Variants in NLN observed in about 807,000 individuals in gnomAD.
The protein encoded by NLN is neurolysin, also known as neurolysin, mitochondrial.
Under a neutral mutation model 79.9 loss-of-function variants are expected in NLN, and 64 were observed. The ratio of observed to expected loss-of-function variants is 0.80; its 90% CI spans 0.65 to 0.99. The LOEUF is 0.99. Ranked by LOEUF, NLN falls within the 50% of genes least tolerant of loss-of-function variation. NLN has a pLI of 0.00. For missense variants in NLN, 835 were observed against 858.7 expected (o/e 0.97, Z 0.34); for synonymous variants, 267 against 296.6 (o/e 0.90, Z 1.02).
At chr5:65,774,510 A>AC (rs1481629195) in intron 3 of NLN, among the ~76,000 whole-genome samples, 1 of 152,114 alleles carries the variant, frequency 6.6e-6, no homozygotes, top group East Asian at 1.9e-4. Flanking sequence ...GTAAGAGAAT[A>AC]TTACTATGAT....
intron 9 of NLN, chr5:65,808,998 A>G (rs927394505): frequency 1.3e-5 from 2 of 152,456 alleles, no homozygotes; most frequent in African/African-American, 4.8e-5. Context: ...TTAAGACCTA[A>G]GTAGTTAAGA....
chr5:65,761,229 A>T (rs972152093), intron 2 of NLN, among the ~76,000 whole-genome samples: 20 of 152,092 alleles, frequency 1.3e-4, no homozygotes, highest in African/African-American at 4.8e-4. Flanking sequence ...TGCTTATATA[A>T]GTTTATGAGC....
chr5:65,775,869 T>C (rs1759669033), intron 3 of NLN, among the ~76,000 whole-genome samples: 1 of 152,192 alleles, frequency 6.6e-6, no homozygotes, highest in Non-Finnish European at 1.5e-5. Context: ...GAGGTTGCTG[T>C]AGAAAAAGGA....
At chr5:65,821,698 G>A (rs906242657) in intron 12 of NLN, among the ~76,000 whole-genome samples, 2 of 152,176 alleles carry the variant, frequency 1.3e-5, no homozygotes, top group South Asian at 4.1e-4. Context: ...AGTCCAGACT[G>A]TGAAGTTACA....
At chr5:65,821,931 C>G (rs1347799404) in intron 12 of NLN, among the ~76,000 whole-genome samples, 1 of 152,172 alleles carries the variant, frequency 6.6e-6, no homozygotes, top group Non-Finnish European at 1.5e-5. Context: ...AATTCTCTAG[C>G]TCTTCTTGTA....
At chr5:65,780,087 A>G (rs1579944726) in intron 4 of NLN, 92 bp from the exon 5 acceptor site, 2 of 641,114 alleles carry the variant, frequency 3.1e-6, no homozygotes, top group East Asian at 6.2e-5. Context: ...TAGCCTCCCA[A>G]ATTGCTGGGA....
intron 9 of NLN, among the ~76,000 whole-genome samples, chr5:65,807,013 C>T (rs1760426770): frequency 6.6e-6 from 1 of 151,954 alleles, no homozygotes; most frequent in Admixed American, 6.6e-5. Context: ...CCCATCTCTA[C>T]TAAAAATACA....
intron 1 of NLN, among the ~76,000 whole-genome samples, chr5:65,735,343 T>C (rs1758707828): frequency 6.6e-6 from 1 of 152,222 alleles, no homozygotes; most frequent in Non-Finnish European, 1.5e-5. Flanking sequence ...TAAATACTTA[T>C]TGAACACCTA....
chr5:65,745,467 C>T (rs1348655018), intron 1 of NLN, among the ~76,000 whole-genome samples: 1 of 152,084 alleles, frequency 6.6e-6, no homozygotes, highest in Non-Finnish European at 1.5e-5. Flanking sequence ...GGTTTGAATC[C>T]CAGCTGCACA....
intron 1 of NLN, among the ~76,000 whole-genome samples, chr5:65,753,995 C>T (rs1759160494): frequency 6.6e-6 from 1 of 152,118 alleles, no homozygotes; most frequent in African/African-American, 2.4e-5. Flanking sequence ...TATGTGAGAC[C>T]CTCTACTCAT....
chr5:65,759,598 C>G (rs554044680), intron 2 of NLN, among the ~76,000 whole-genome samples: 23 of 152,172 alleles, frequency 1.5e-4, no homozygotes, highest in African/African-American at 5.5e-4. Flanking sequence ...AGGCCAGTAG[C>G]CTAGAGGCCC....
chr5:65,759,942 A>G (rs1759305374), intron 2 of NLN, among the ~76,000 whole-genome samples: 1 of 152,182 alleles, frequency 6.6e-6, no homozygotes, highest in South Asian at 2.1e-4. Context: ...AGGAGTGAAG[A>G]TTCCCTTTGG....
intron 1 of NLN, among the ~76,000 whole-genome samples, chr5:65,738,205 A>C (rs1758774263): frequency 6.6e-6 from 1 of 152,124 alleles, no homozygotes; most frequent in Non-Finnish European, 1.5e-5. Context: ...AAATAATTAG[A>C]ATACAAGGCA....
intron 3 of NLN, among the ~76,000 whole-genome samples, chr5:65,767,249 C>T (rs1457085839): frequency 1.3e-5 from 2 of 152,178 alleles, no homozygotes; most frequent in African/African-American, 4.8e-5. Flanking sequence ...CCTGGATATC[C>T]AGGCATTTCC....
At chr5:65,736,275 T>C (rs1038884790) in intron 1 of NLN, among the ~76,000 whole-genome samples, 2 of 152,248 alleles carry the variant, frequency 1.3e-5, no homozygotes, top group Non-Finnish European at 2.9e-5. Flanking sequence ...TCATTTTTAC[T>C]GTTGTAAGAT....
intron 12 of NLN, chr5:65,818,651 G>C (rs1232691586): frequency 1.3e-5 from 2 of 152,150 alleles, no homozygotes; most frequent in East Asian, 3.8e-4. Flanking sequence ...AGAAAACAAA[G>C]GGTGTGCTCT....
chr5:65,792,695 T>A (rs1430574361), intron 9 of NLN, 40 bp downstream of exon 9: 1 of 1,488,880 alleles, frequency 6.7e-7, no homozygotes, highest in Non-Finnish European at 9.4e-7. Flanking sequence ...GCCAATTAGT[T>A]TTTTTAGAAA....
intron 1 of NLN, among the ~76,000 whole-genome samples, chr5:65,736,670 G>A (rs1758734365): frequency 6.6e-6 from 1 of 152,064 alleles, no homozygotes; most frequent in African/African-American, 2.4e-5. Flanking sequence ...GTTTGAACAT[G>A]TTTTCGTGTT....
intron 9 of NLN, among the ~76,000 whole-genome samples, chr5:65,798,338 T>C (rs1760212035): frequency 6.6e-6 from 1 of 152,214 alleles, no homozygotes; most frequent in South Asian, 2.1e-4. Flanking sequence ...TTATTGCGTA[T>C]TTGCGCTCCC....
Sources: gnomAD v4.1 joint callset for allele counts (sites outside exome capture counted in the v4.1 genomes callset) on GRCh38, gnomAD v4.1.1 for gene constraint, MANE v1.5 for transcripts, NCBI Gene and HGNC (gene_info 2026-07-23, HGNC 2026-07-21) for gene names.